Variants in DPP6 observed in about 807,000 individuals in gnomAD.
DPP6 encodes dipeptidyl peptidase like 6, also known as A-type potassium channel modulatory protein DPP6.
A neutral mutation model predicts 122.6 loss-of-function variants in DPP6; 69 were observed. The observed-to-expected ratio is 0.56, with a 90% CI of 0.46 to 0.69. DPP6 has a LOEUF of 0.69. Among genes scored for constraint, DPP6 ranks in the 30% least tolerant of loss-of-function variants. The probability of loss-of-function intolerance (pLI) is 0.00; values close to 1 mark genes in which losing one functional copy is unlikely to be tolerated. For missense variants in DPP6, 928 were observed against 1,116.9 expected (o/e 0.83, Z 2.41); for synonymous variants, 418 against 433.1 (o/e 0.97, Z 0.43).
intron 7 of DPP6, among the ~76,000 whole-genome samples, chr7:154,689,030 C>G (rs1309363095): frequency 1.3e-5 from 2 of 152,224 alleles, no homozygotes; most frequent in African/African-American, 2.4e-5. Context: ...ATTACACCCT[C>G]TCCAAATAAT....
At position 154,034,433 on chromosome 7, in the gene DPP6, C is replaced by G. The variant is rs185014559; in HGVS notation, c.51+146699C>G. Among the ~76,000 whole-genome samples the G allele has an allele frequency of 5.4e-4, 82 of 152,262 alleles. No homozygotes were observed. The Middle Eastern group carries it at 0.014, about 25-fold the overall frequency. ...GGATCCTTCCCATGCCTTTATCCCC[C>G]CTCTGCACACCTCACATAGTGTCAT... On this transcript the variant is annotated intron_variant, in intron 1 of 25. Transcript: ENST00000404039.
intron 3 of DPP6, among the ~76,000 whole-genome samples, chr7:154,525,754 G>GTTT (rs3057500): frequency 0.017 from 2,468 of 146,378 alleles, 58 homozygotes; most frequent in African/African-American, 0.054. Flanking sequence ...GTTTTGTTGT[G>GTTT]TTTTTTTTTT....
chr7:154,818,161 C>T (rs1413408463), intron 16 of DPP6, among the ~76,000 whole-genome samples: 2 of 152,134 alleles, frequency 1.3e-5, no homozygotes, highest in Non-Finnish European at 2.9e-5. Flanking sequence ...GACAGCATGT[C>T]ACTTCAGAGA....
Position 154,356,735 on chromosome 7 carries a change from A to G in DPP6, c.244-89479A>G, listed in dbSNP as rs1461395948. 1.1e-4 allele frequency among the ~76,000 whole-genome samples: 16 copies of G among 152,290 alleles called. No homozygotes were observed. In the East Asian group the frequency reaches 2.5e-3, roughly 24 times the overall value. On this transcript the variant is annotated intron_variant, in intron 1 of 25. Transcript: ENST00000377770. ...AATAATTCCGGAAGTAGATATACAC[A>G]TTTTCCTGCAAATGTTTCTGTACTA...
In DPP6 at chr7:154,514,060, G is replaced by C. The variant is rs748065660; in HGVS notation, c.458-26472G>C. On this transcript the variant is annotated intron_variant, in intron 3 of 25. Transcript: ENST00000377770. ...GAGGCCGAGGTAGTGGATTACCTGA[G>C]GTCAGGAGTTCAAGGCCAGCCTGAT... Among the ~76,000 whole-genome samples the C allele has an allele frequency of 9.2e-4, 140 of 152,110 alleles. 3 individuals carry two copies. Among genetic ancestry groups the C allele is most frequent in the Non-Finnish European group, 1.4e-3 (97 of 68,016 alleles).
chr7:153,898,492 T>G (rs1301278183), intron 1 of DPP6, among the ~76,000 whole-genome samples: 1 of 152,052 alleles, frequency 6.6e-6, no homozygotes, highest in Non-Finnish European at 1.5e-5. Context: ...TTTGAAATGT[T>G]CCCAACGTGA....
chr7:153,861,304 C>T, the DPP6 span, among the ~76,000 whole-genome samples: 1 of 152,178 alleles, frequency 6.6e-6, no homozygotes, highest in Admixed American at 6.5e-5. Flanking sequence ...ACACAGCTTT[C>T]AGCCTCAAAA....
Position 154,602,728 on chromosome 7 carries a change from G to T in DPP6, c.628-35093G>T, listed in dbSNP as rs1833452039. Reference sequence around the variant, plus strand: ...TTAGAGGTGTGAGCCAGCATGCCTGGCCTATTTCTTAATTCTTAATCCTTT... The same window carrying T: ...TTAGAGGTGTGAGCCAGCATGCCTGTCCTATTTCTTAATTCTTAATCCTTT... On this transcript the variant is annotated intron_variant, in intron 5 of 25. Coordinates refer to ENST00000377770, the MANE Select transcript of DPP6 (RefSeq NM_130797.4). Among the ~76,000 whole-genome samples, 4 of 103,294 alleles carry T rather than the reference G, an allele frequency of 3.9e-5. 1 individual carries two copies. The highest frequency in any genetic ancestry group is 6.5e-5 in the Non-Finnish European group (3 of 46,098). 67.8% of individuals were successfully genotyped at this position (103,294 alleles called of 152,430 possible). A position where few individuals can be genotyped will look rare whatever the true frequency, so the allele number is the denominator to read the frequency against.
chr7:153,824,386 CAAA>C, the DPP6 span, among the ~76,000 whole-genome samples: 1 of 79,436 alleles, frequency 1.3e-5, no homozygotes, highest in African/African-American at 5.2e-5. Flanking sequence ...GAGTCTGTCT[CAAA>C]AAAAAAAAAA....
intron 1 of DPP6, among the ~76,000 whole-genome samples, chr7:154,304,387 G>A (rs913752185): frequency 7.2e-5 from 11 of 152,186 alleles, no homozygotes; most frequent in African/African-American, 1.9e-4. Flanking sequence ...TGACTGCTCC[G>A]GTGCAGGGAG....
chr7:154,163,203 G>A (rs1797067276), intron 1 of DPP6, among the ~76,000 whole-genome samples: 1 of 151,912 alleles, frequency 6.6e-6, no homozygotes, highest in Non-Finnish European at 1.5e-5. Flanking sequence ...CTAGCGTTGA[G>A]TGGAACTTGC....
At chr7:154,588,402 A>G (rs1832609731) in intron 5 of DPP6, 1 of 301,946 alleles carries the variant, frequency 3.3e-6, no homozygotes, top group East Asian at 6.2e-5. Flanking sequence ...TATCATATAC[A>G]CTTGAGGTCT....
Position 153,947,328 on chromosome 7 carries a change from C to A in DPP6, c.51+59594C>A, listed in dbSNP as rs1450189210. 2.0e-5 allele frequency among the ~76,000 whole-genome samples: 3 copies of A among 152,216 alleles called. No homozygotes were observed. In the East Asian group the frequency reaches 5.8e-4, roughly 30 times the overall value. On this transcript the variant is annotated intron_variant, in intron 1 of 25. Transcript: ENST00000404039. ...CTGAAGTCAGAGCATCGGCTGGGTT[C>A]ATTCCAGGGCTGCGAGGGAGGGTCT... is the stretch of plus-strand genomic sequence containing the variant.
chr7:153,804,426 T>A, the DPP6 span, among the ~76,000 whole-genome samples: 1 of 152,160 alleles, frequency 6.6e-6, no homozygotes, highest in Non-Finnish European at 1.5e-5. Context: ...GAGATAATTT[T>A]CTATATTTTA....
the DPP6 span, among the ~76,000 whole-genome samples, chr7:153,856,388 C>T: frequency 2.0e-5 from 3 of 152,170 alleles, no homozygotes; most frequent in African/African-American, 4.8e-5. Context: ...TTGATTCTCA[C>T]AATTTTTGTC....
rs550962083 is a variant in DPP6 at position 154,544,889 on chromosome 7, A to C, written c.552+4263A>C. On this transcript the variant is annotated intron_variant, in intron 4 of 25. Coordinates refer to ENST00000377770, the MANE Select transcript of DPP6 (RefSeq NM_130797.4). Reference sequence around the variant, plus strand: ...AAGAGACAGAGGATGATGATGTCCAAAGGAGCATGACAAGGATGCTGCCGC... The same window carrying C: ...AAGAGACAGAGGATGATGATGTCCACAGGAGCATGACAAGGATGCTGCCGC... 3.3e-5 allele frequency among the ~76,000 whole-genome samples: 5 copies of C among 152,192 alleles called. No homozygotes were observed. The East Asian group carries it at 9.6e-4, about 29-fold the overall frequency.
chr7:154,331,950 A>G (rs1808982041), intron 1 of DPP6, among the ~76,000 whole-genome samples: 1 of 152,218 alleles, frequency 6.6e-6, no homozygotes, highest in Non-Finnish European at 1.5e-5. Context: ...AGCTAATCCT[A>G]TTAGGAGTTT....
intron 1 of DPP6, among the ~76,000 whole-genome samples, chr7:154,149,717 A>G (rs1373040339): frequency 1.3e-5 from 2 of 152,364 alleles, no homozygotes; most frequent in South Asian, 2.1e-4. Context: ...CTGCTAGGAT[A>G]TGAATCCCAA....
intron 7 of DPP6, among the ~76,000 whole-genome samples, chr7:154,680,904 A>T (rs534839417): frequency 2.6e-5 from 4 of 152,292 alleles, no homozygotes; most frequent in Non-Finnish European, 5.9e-5. Context: ...CCCTTCAGAG[A>T]TATTTTCTGG....
Sources: gnomAD v4.1 joint callset for allele counts (sites outside exome capture counted in the v4.1 genomes callset) on GRCh38, gnomAD v4.1.1 for gene constraint, MANE v1.5 for transcripts, NCBI Gene and HGNC (gene_info 2026-07-23, HGNC 2026-07-21) for gene names.